The following MGMT variants were observed in gnomAD, a reference collection of about 807,000 sequenced individuals.
MGMT encodes O-6-methylguanine-DNA methyltransferase.
In MGMT, 14 loss-of-function variants were observed where a neutral mutation model predicts 15.9. That is an observed-to-expected ratio of 0.88 (90% CI 0.58 to 1.37). The LOEUF (loss-of-function observed/expected upper bound fraction) is 1.37. MGMT is among the 40% of genes most tolerant of loss of function. The pLI, the probability that MGMT is intolerant of heterozygous loss-of-function variation, is 0.00. For missense variants in MGMT, 282 were observed against 268.1 expected, an observed-to-expected ratio of 1.05 and a Z score of -0.36; for synonymous variants, 130 against 118.2, an observed-to-expected ratio of 1.10 and a Z score of -0.65.
At chr10:129,755,569 A>G (rs1215518814) in intron 3 of MGMT, among the ~76,000 whole-genome samples, 2 of 152,208 alleles carry the variant, frequency 1.3e-5, no homozygotes, top group Admixed American at 1.3e-4. Flanking sequence ...CCAGGAAGCC[A>G]CACGGACCTT....
chr10:129,765,555 T>A (rs1235927730), intron 4 of MGMT, among the ~76,000 whole-genome samples: 1 of 152,152 alleles, frequency 6.6e-6, no homozygotes, highest in Non-Finnish European at 1.5e-5. Flanking sequence ...AAAGCGAGAT[T>A]GAAGGCAGGG....
At chr10:129,700,841 GCTAGAGATCTCTAA>G (rs1471506459) in intron 2 of MGMT, 1 of 152,182 alleles carries the variant, frequency 6.6e-6, no homozygotes, top group Non-Finnish European at 1.5e-5. Flanking sequence ...AAGACACTCT[GCTAGAGATCTCTAA>G]ATGGGACATA....
At chr10:129,692,469 G>A (rs552200069) in intron 2 of MGMT, among the ~76,000 whole-genome samples, 15 of 152,190 alleles carry the variant, frequency 9.9e-5, no homozygotes, top group Middle Eastern at 3.2e-3. Context: ...ACAAATGGGC[G>A]TGGCTGTGTT....
intron 2 of MGMT, among the ~76,000 whole-genome samples, chr10:129,584,430 G>T (rs1330594317): frequency 7.7e-6 from 1 of 129,678 alleles, no homozygotes; most frequent in Non-Finnish European, 1.7e-5. Flanking sequence ...TTTGTATAAG[G>T]CTTAATTTGT....
intron 2 of MGMT, among the ~76,000 whole-genome samples, chr10:129,549,749 G>A (rs1159550757): frequency 1.3e-5 from 2 of 152,142 alleles, no homozygotes; most frequent in South Asian, 2.1e-4. Flanking sequence ...AAAGAATCAC[G>A]GCCGCTGCTG....
chr10:129,593,299 C>T (rs952408197), intron 2 of MGMT, among the ~76,000 whole-genome samples: 1 of 152,306 alleles, frequency 6.6e-6, no homozygotes, highest in East Asian at 1.9e-4. Flanking sequence ...TTTGAGAAGG[C>T]TCGGAAGCCT....
chr10:129,489,600 T>C (rs1845447230), intron 1 of MGMT, among the ~76,000 whole-genome samples: 2 of 152,072 alleles, frequency 1.3e-5, no homozygotes, highest in African/African-American at 4.8e-5. Context: ...TTCAGGAATA[T>C]GCGCTCTTGC....
At chr10:129,636,291 C>A (rs960584936) in intron 2 of MGMT, among the ~76,000 whole-genome samples, 1 of 152,164 alleles carries the variant, frequency 6.6e-6, no homozygotes, top group Admixed American at 6.5e-5. Context: ...GTAGACACCC[C>A]CTCAGGACTG....
At chr10:129,483,397 A>AT (rs34874266) in intron 1 of MGMT, among the ~76,000 whole-genome samples, 82 of 95,920 alleles carry the variant, frequency 8.5e-4, no homozygotes, top group African/African-American at 3.0e-3. Context: ...ATTGAGTACC[A>AT]TTTTTTTTAC....
At chr10:129,753,466 G>A (rs1418753946) in intron 3 of MGMT, among the ~76,000 whole-genome samples, 1 of 151,892 alleles carries the variant, frequency 6.6e-6, no homozygotes, top group Non-Finnish European at 1.5e-5. Context: ...AAATAGATCT[G>A]TTGACCTTGT....
chr10:129,681,490 G>A (rs578181904), intron 2 of MGMT, among the ~76,000 whole-genome samples: 3 of 152,208 alleles, frequency 2.0e-5, no homozygotes, highest in African/African-American at 7.2e-5. Flanking sequence ...AATTCCAGAA[G>A]GATCAATATT....
intron 2 of MGMT, among the ~76,000 whole-genome samples, chr10:129,636,683 T>C (rs1296608851): frequency 6.6e-6 from 1 of 152,196 alleles, no homozygotes; most frequent in Non-Finnish European, 1.5e-5. Context: ...GGATACCCAT[T>C]TTCCCCCAGA....
intron 2 of MGMT, among the ~76,000 whole-genome samples, chr10:129,672,808 C>T (rs958633718): frequency 1.3e-5 from 2 of 152,104 alleles, no homozygotes; most frequent in African/African-American, 2.4e-5. Context: ...GTCTTTATTT[C>T]TGCCATTTTT....
chr10:129,691,206 G>A (rs1383727383), intron 2 of MGMT, among the ~76,000 whole-genome samples: 1 of 152,246 alleles, frequency 6.6e-6, no homozygotes, highest in Non-Finnish European at 1.5e-5. Flanking sequence ...GGCTGATCTG[G>A]ATAGGCAGCT....
At chr10:129,589,218 C>A (rs944128127) in intron 2 of MGMT, among the ~76,000 whole-genome samples, 1 of 152,206 alleles carries the variant, frequency 6.6e-6, no homozygotes, top group African/African-American at 2.4e-5. Context: ...TGCCAACAGG[C>A]CTTAATTCTG....
chr10:129,488,257 A>G (rs1384551690), intron 1 of MGMT, among the ~76,000 whole-genome samples: 3 of 152,150 alleles, frequency 2.0e-5, no homozygotes, highest in Non-Finnish European at 4.4e-5. Context: ...TTATCATGCT[A>G]CTAACACTGC....
intron 3 of MGMT, among the ~76,000 whole-genome samples, chr10:129,721,190 TCTTCC>T (rs1220943159): frequency 6.6e-6 from 1 of 152,274 alleles, no homozygotes; most frequent in Non-Finnish European, 1.5e-5. Flanking sequence ...TAATTTGTTT[TCTTCC>T]CTTCTGTCAG....
chr10:129,536,598 GGGCC>G, intron 2 of MGMT: 1 of 524,076 alleles, frequency 1.9e-6, no homozygotes, highest in South Asian at 3.1e-5. Flanking sequence ...GATGAACCCA[GGGCC>G]GTTCCCTTCA....
rs1323847990 is a variant in MGMT, at chr10:129,768,790, G to C, written c.*1793G>C. On this transcript the variant is annotated 3_prime_UTR_variant, in exon 5 of 5. Coordinates refer to ENST00000651593, the MANE Select transcript of MGMT (RefSeq NM_002412.5). ...CCTGCTGGAGGATGGATTTGAAGGA[G>C]GGTGGCTGGGCGGCACCCCGATGGC... The C allele has an allele frequency of 6.6e-6, 1 of 152,462 alleles. No homozygotes were observed. Among genetic ancestry groups the C allele is most frequent in the Non-Finnish European group, 1.5e-5 (1 of 68,220 alleles). 9.4% of individuals were successfully genotyped at this position (152,462 alleles called of 1,614,324 possible). A position where few individuals can be genotyped will look rare whatever the true frequency, so the allele number is the denominator to read the frequency against.
Sources: gnomAD v4.1 joint callset for allele counts (sites outside exome capture counted in the v4.1 genomes callset) on GRCh38, gnomAD v4.1.1 for gene constraint, MANE v1.5 for transcripts, NCBI Gene and HGNC (gene_info 2026-07-23, HGNC 2026-07-21) for gene names.